The following UGT2B10 variants were observed in gnomAD, a reference collection of about 807,000 sequenced individuals.
UGT2B10 encodes the protein UDP-glucuronosyltransferase 2B10.
A neutral mutation model predicts 43.7 loss-of-function variants in UGT2B10; 51 were observed. The ratio of observed to expected loss-of-function variants is 1.17; its 90% CI spans 0.93 to 1.47. UGT2B10 has a LOEUF of 1.47. Among genes scored for constraint, UGT2B10 ranks in the 40% most tolerant of loss-of-function variants. The pLI is 0.00. For missense variants in UGT2B10, 696 were observed against 617.7 expected, an observed-to-expected ratio of 1.13 and a Z score of -1.34; for synonymous variants, 225 against 209.0, an observed-to-expected ratio of 1.08 and a Z score of -0.66.
At chr4:68,830,517 A>G (rs1301668008) in intron 5 of UGT2B10, 83 bp from the exon 6 acceptor site, 1 of 1,418,296 alleles carries the variant, frequency 7.1e-7, no homozygotes, top group South Asian at 1.6e-5. Flanking sequence ...ATTATTTGAC[A>G]CTTTAAAAGC....
At chr4:68,822,471 G>T (rs1737559182) in intron 3 of UGT2B10, 69 bp downstream of exon 3, 3 of 1,604,536 alleles carry the variant, frequency 1.9e-6, no homozygotes, top group African/African-American at 1.4e-5. Flanking sequence ...GATCTACATA[G>T]AAAGAATATT....
intron 5 of UGT2B10, among the ~76,000 whole-genome samples, chr4:68,829,412 T>C (rs552963798): frequency 3.6e-4 from 55 of 152,196 alleles, no homozygotes; most frequent in African/African-American, 1.2e-3. Context: ...TTGGTATTTT[T>C]GCCTCAAGAT....
intron 5 of UGT2B10, among the ~76,000 whole-genome samples, chr4:68,827,950 T>A (rs1737885008): frequency 6.6e-6 from 1 of 152,022 alleles, no homozygotes; most frequent in African/African-American, 2.4e-5. Context: ...TTTTTATTAT[T>A]ATCTTTATTG....
Position 68,818,127 on chromosome 4 carries a change from GTTGA to G in UGT2B10, c.820_823del (p.Asp274LeufsTer41), listed in dbSNP as rs1192300543. ...ATTTCCTCATCCATTCTTACCAAAT[GTTGA>G]TTTTGTTGGAGGACTCCACTGCAAA... On this transcript the variant is annotated frameshift_variant, in exon 2 of 6. Transcript: ENST00000265403. LOFTEE classifies it high-confidence loss of function. 1 of 1,611,580 alleles carries G rather than the reference GTTGA, an allele frequency of 6.2e-7. No homozygotes were observed. Among genetic ancestry groups the G allele is most frequent in the Non-Finnish European group, 8.5e-7 (1 of 1,178,496 alleles).
At chr4:68,819,076 A>G (rs1191752889) in intron 2 of UGT2B10, among the ~76,000 whole-genome samples, 1 of 151,924 alleles carries the variant, frequency 6.6e-6, no homozygotes, top group Non-Finnish European at 1.5e-5. Context: ...GTTGATAGAA[A>G]TAATTATGCC....
chr4:68,825,725 T>C (rs2109698347), intron 3 of UGT2B10, among the ~76,000 whole-genome samples: 1 of 152,246 alleles, frequency 6.6e-6, no homozygotes, highest in African/African-American at 2.4e-5. Context: ...ATATTTTCTT[T>C]ATTCAGTCCA....
rs773757667 is a variant in UGT2B10, at chr4:68,826,393, T to A, written c.1000-17T>A. 11 of 1,603,898 alleles carry A rather than the reference T, an allele frequency of 6.9e-6. No individual in the cohort carries two copies. The highest frequency in any genetic ancestry group is 7.6e-6 in the Non-Finnish European group (9 of 1,176,678). ...GAGTTCCACTCGTGGAATAAGATATTCTCTTTACTGTAACAGGTTCTTTGG... is the reference window on the plus strand; with the variant it reads ...GAGTTCCACTCGTGGAATAAGATATACTCTTTACTGTAACAGGTTCTTTGG... On this transcript the variant is annotated splice_polypyrimidine_tract_variant and intron_variant, in intron 3 of 5. Coordinates refer to ENST00000265403, the MANE Select transcript of UGT2B10 (RefSeq NM_001075.6).
intron 3 of UGT2B10, 106 bp from the exon 4 acceptor site, chr4:68,826,300 GATTT>G: frequency 8.2e-7 from 1 of 1,223,614 alleles, no homozygotes; most frequent in Non-Finnish European, 1.1e-6. Context: ...TCTTTGAGTA[GATTT>G]ATTTACTAAC....
At chr4:68,820,749 TA>T (rs1252467939) in intron 2 of UGT2B10, among the ~76,000 whole-genome samples, 2 of 152,012 alleles carry the variant, frequency 1.3e-5, no homozygotes, top group East Asian at 3.9e-4. Context: ...AAATCCATAA[TA>T]AAAAATACAT....
At chr4:68,823,245 C>T (rs1354991328) in intron 3 of UGT2B10, among the ~76,000 whole-genome samples, 2 of 152,058 alleles carry the variant, frequency 1.3e-5, no homozygotes, top group African/African-American at 2.4e-5. Flanking sequence ...TGGTGGTTCG[C>T]GCCTGTAATC....
chr4:68,826,363 C>G, intron 3 of UGT2B10, 47 bp from the exon 4 acceptor site: 1 of 1,572,602 alleles, frequency 6.4e-7, no homozygotes, highest in South Asian at 1.2e-5. Flanking sequence ...CATTTTATAA[C>G]TTTTGAGTTC....
chr4:68,819,267 G>T (rs1302935362), intron 2 of UGT2B10, among the ~76,000 whole-genome samples: 1 of 151,880 alleles, frequency 6.6e-6, no homozygotes, highest in African/African-American at 2.4e-5. Flanking sequence ...TGTCACTTGA[G>T]ATATCATTCC....
intron 2 of UGT2B10, among the ~76,000 whole-genome samples, chr4:68,820,554 G>C: frequency 6.6e-6 from 1 of 151,892 alleles, no homozygotes; most frequent in South Asian, 2.1e-4. Flanking sequence ...GCCTACAATA[G>C]CACTAAAATG....
intron 5 of UGT2B10, among the ~76,000 whole-genome samples, chr4:68,829,794 A>AG (rs1194453244): frequency 1.1e-3 from 165 of 152,228 alleles, no homozygotes; most frequent in African/African-American, 3.8e-3. Context: ...GACAGTGTGC[A>AG]GGTAAAAGTG....
intron 3 of UGT2B10, among the ~76,000 whole-genome samples, chr4:68,825,274 A>C (rs1170986135): frequency 4.7e-5 from 7 of 149,788 alleles, no homozygotes; most frequent in Non-Finnish European, 9.0e-5. Context: ...AATTACAATG[A>C]CTCCCTATAA....
rs1738049007 is a variant in UGT2B10 at position 68,830,735 on chromosome 4, C to T, written c.1443C>T (p.Asn481=). 3 of 1,613,368 alleles carry T rather than the reference C, an allele frequency of 1.9e-6. No homozygotes were observed. The highest frequency in any genetic ancestry group is 2.5e-6 in the Non-Finnish European group (3 of 1,179,566). The change falls in exon 6 of 6, where the codon AAC becomes AAT. Residue 481 remains asparagine, a synonymous_variant. Coordinates refer to ENST00000265403, the MANE Select transcript of UGT2B10 (RefSeq NM_001075.6). ...AACATCTTCGAGTTGCAGCCCACAA[C>T]CTCACCTGGTTCCAGTACCACTCTT... The part of the protein sequence containing the change: ...GAKHLRVAAH[N]LTWFQYHSLD...
chr4:68,826,050 T>TATCTCATTG lies in UGT2B10; in HGVS notation c.1000-359_1000-351dup, dbSNP rs569367272. On this transcript the variant is annotated intron_variant, in intron 3 of 5. Coordinates refer to ENST00000265403, the MANE Select transcript of UGT2B10 (RefSeq NM_001075.6). ...GGCCATTCTGACTGGTGTGCGATGT[T>TATCTCATTG]ATCTCATTGTGGTTTTGATTTGAAT... Among the ~76,000 whole-genome samples, 32 of 152,282 alleles carry TATCTCATTG rather than the reference T, an allele frequency of 2.1e-4. No homozygotes were observed. The South Asian group carries it at 6.2e-3, about 30-fold the overall frequency.
At chr4:68,829,650 A>C (rs1222606984) in intron 5 of UGT2B10, among the ~76,000 whole-genome samples, 41 of 152,130 alleles carry the variant, frequency 2.7e-4, no homozygotes, top group African/African-American at 6.3e-4. Flanking sequence ...GAAGCCACAA[A>C]AAGGGAGAGA....
chr4:68,824,370 G>A (rs1407220345), intron 3 of UGT2B10, among the ~76,000 whole-genome samples: 1 of 152,124 alleles, frequency 6.6e-6, no homozygotes, highest in Non-Finnish European at 1.5e-5. Flanking sequence ...TATAAAATGT[G>A]GCCCCACAAG....
Sources: allele counts gnomAD v4.1 joint callset (sites outside exome capture counted in the v4.1 genomes callset), GRCh38; gene constraint gnomAD v4.1.1; transcripts MANE v1.5; gene names NCBI Gene and HGNC (gene_info 2026-07-23, HGNC 2026-07-21).